Variants in PIEZO2 observed in about 807,000 individuals in gnomAD.
The protein encoded by PIEZO2 is piezo type mechanosensitive ion channel component 2.
Under a neutral mutation model 337.3 loss-of-function variants are expected in PIEZO2, and 172 were observed. The observed-to-expected ratio is 0.51, with a 90% confidence interval of 0.45 to 0.58. The LOEUF (loss-of-function observed/expected upper bound fraction) is 0.58, where lower values mean the gene tolerates loss of function less well. Among genes scored for constraint, PIEZO2 ranks in the 20% least tolerant of loss-of-function variants. The pLI is 0.00. For synonymous variants in PIEZO2, 1,251 were observed against 1,228.5 expected (o/e 1.02, Z -0.38); for missense variants, 3,028 against 3,391.3 (o/e 0.89, Z 2.66).
chr18:11,091,123 T>C (rs879447003), intron 1 of PIEZO2, among the ~76,000 whole-genome samples: 10 of 152,050 alleles, frequency 6.6e-5, no homozygotes, highest in East Asian at 1.9e-4. Context: ...CAGTGGCTCA[T>C]GCCTGTAATC....
At position 11,146,862 on chromosome 18, in the gene PIEZO2, C is replaced by T. The variant is rs1430598832; in HGVS notation, c.64+1663G>A. ...GAAGAGGGTGTCCATCCTCCAGGAA[C>T]AGTGGCGAGGAGGACGGTGGATAGA... is the stretch of plus-strand genomic sequence containing the variant. On this transcript the variant is annotated intron_variant, in intron 1 of 55. Coordinates refer to ENST00000674853, the MANE Select transcript of PIEZO2 (RefSeq NM_001378183.1). The surrounding 1 kb of genome is among the most constrained non-coding windows in gnomAD (Gnocchi z 6.1). Among the ~76,000 whole-genome samples, 4 of 152,284 alleles carry T rather than the reference C, an allele frequency of 2.6e-5. No individual in the cohort carries two copies. Among genetic ancestry groups the T allele is most frequent in the Middle Eastern group, 3.4e-3 (1 of 294 alleles).
Position 10,759,694 on chromosome 18 carries a change from G to C in PIEZO2, c.3655+11C>G, listed in dbSNP as rs747287696. 2.0e-6 allele frequency: 3 copies of C among 1,537,186 alleles called. No homozygotes were observed. On this transcript the variant is annotated intron_variant, in intron 25 of 55. Transcript: ENST00000674853. This position sits in a 1 kb window ranked among gnomAD's most constrained non-coding sequence, Gnocchi z 5.5. ...CTAAAAGTAGACGGCTCAAGGGAAGGGCAGGCTCACCTCGGCAAGGAGCAG... is the reference window on the plus strand; with the variant it reads ...CTAAAAGTAGACGGCTCAAGGGAAGCGCAGGCTCACCTCGGCAAGGAGCAG...
chr18:10,875,730 A>T (rs1258534706), intron 4 of PIEZO2, among the ~76,000 whole-genome samples: 1 of 152,242 alleles, frequency 6.6e-6, no homozygotes, highest in East Asian at 1.9e-4. Flanking sequence ...CCAGAGCCTT[A>T]TATCTTTCCC....
intron 2 of PIEZO2, among the ~76,000 whole-genome samples, chr18:11,024,584 A>G (rs889342653): frequency 2.0e-5 from 3 of 151,340 alleles, no homozygotes; most frequent in African/African-American, 7.3e-5. Flanking sequence ...AGTAAAAAGG[A>G]AAGAAAGGGA....
chr18:10,864,779 C>A (rs2041963112), intron 5 of PIEZO2, among the ~76,000 whole-genome samples: 2 of 152,138 alleles, frequency 1.3e-5, no homozygotes, highest in Non-Finnish European at 2.9e-5. Context: ...CACAGCAGAG[C>A]TCAAGAAAGA....
chr18:10,803,581 T>C (rs1018805277), intron 9 of PIEZO2, among the ~76,000 whole-genome samples: 23 of 152,256 alleles, frequency 1.5e-4, no homozygotes, highest in African/African-American at 5.5e-4. Context: ...ATTGCTTTGC[T>C]ACTTTTGTTT....
chr18:10,696,591 A>G (rs1598368045), intron 45 of PIEZO2, 52 bp from the exon 46 acceptor site: 2 of 1,598,134 alleles, frequency 1.3e-6, no homozygotes, highest in East Asian at 4.5e-5. Context: ...GAAGGGCAGG[A>G]TGGCAGAAAT....
intron 48 of PIEZO2, among the ~76,000 whole-genome samples, chr18:10,690,693 A>G (rs545511479): frequency 1.3e-5 from 2 of 152,300 alleles, no homozygotes; most frequent in Admixed American, 1.3e-4. Context: ...GAGAACAGAG[A>G]GGAGATGCTA....
intron 27 of PIEZO2, 90 bp downstream of exon 27, chr18:10,757,879 T>C: frequency 7.7e-7 from 1 of 1,300,684 alleles, no homozygotes; most frequent in South Asian, 1.5e-5. Context: ...CAGATCTGTT[T>C]CCCAAGTATA....
In PIEZO2 at chr18:10,854,215, G is replaced by A. The variant is rs76734229; in HGVS notation, c.917+1138C>T. 0.058 allele frequency among the ~76,000 whole-genome samples: 8,833 copies of A among 152,212 alleles called. 364 individuals are homozygous for A. The highest frequency in any genetic ancestry group is 0.089 in the Non-Finnish European group (6,064 of 67,996). ...GTTAGGTCAAAAGTCTTAACCATAT[G>A]ATGCTGTATAGCTCATCTGTTGCAT... On this transcript the variant is annotated intron_variant, in intron 7 of 55. Coordinates refer to ENST00000674853, the MANE Select transcript of PIEZO2 (RefSeq NM_001378183.1). The surrounding 1 kb of genome is among the most constrained non-coding windows in gnomAD (Gnocchi z 4.6).
intron 1 of PIEZO2, among the ~76,000 whole-genome samples, chr18:11,103,842 G>A (rs554823496): frequency 5.6e-4 from 84 of 151,220 alleles, no homozygotes; most frequent in African/African-American, 1.8e-3. Flanking sequence ...TGTGTGTGAC[G>A]GAGTCTTGCT....
At position 11,109,912 on chromosome 18, in the gene PIEZO2, G is replaced by A. The variant is rs530945105; in HGVS notation, c.64+38613C>T. ...TTATTATAGTCATCTAAAGTGGAAC[G>A]GAAGAATTTATTTTTTAATCAGAAG... is the stretch of plus-strand genomic sequence containing the variant. On this transcript the variant is annotated intron_variant, in intron 1 of 55. Coordinates refer to ENST00000674853, the MANE Select transcript of PIEZO2 (RefSeq NM_001378183.1). This position sits in a 1 kb window ranked among gnomAD's most constrained non-coding sequence, Gnocchi z 5.1. Among the ~76,000 whole-genome samples, 5 of 152,092 alleles carry A rather than the reference G, an allele frequency of 3.3e-5. No individual in the cohort carries two copies. The highest frequency in any genetic ancestry group is 1.3e-4 in the Admixed American group (2 of 15,286).
At chr18:10,749,415 A>G (rs1417301844) in intron 29 of PIEZO2, among the ~76,000 whole-genome samples, 1 of 152,134 alleles carries the variant, frequency 6.6e-6, no homozygotes. Context: ...GTGAGCTATG[A>G]TTGTGCCACT....
chr18:10,868,830 G>A (rs952636645), intron 5 of PIEZO2, among the ~76,000 whole-genome samples: 5 of 152,132 alleles, frequency 3.3e-5, no homozygotes, highest in Admixed American at 6.5e-5. Context: ...CCTCACAGCC[G>A]TGGCTTTTTA....
In PIEZO2 at chr18:10,784,704, C is replaced by A; in HGVS notation, c.2492+80G>T. On this transcript the variant is annotated intron_variant, in intron 17 of 55. Transcript: ENST00000674853. This position sits in a 1 kb window ranked among gnomAD's most constrained non-coding sequence, Gnocchi z 4.5. ...TGAAACTTTTAGATTACTGGCTTCT[C>A]GCAAGGTGGCCAACCTAAGGTAGGG... The A allele has an allele frequency of 7.7e-7, 1 of 1,306,188 alleles. No homozygotes were observed. Among genetic ancestry groups the A allele is most frequent in the South Asian group, 1.8e-5 (1 of 56,076 alleles). The allele number at this position is 1,306,188 out of a possible 1,614,324, so 80.9% of individuals were successfully genotyped here.
intron 3 of PIEZO2, among the ~76,000 whole-genome samples, chr18:10,920,002 CGTGGAA>C (rs747874101): frequency 2.0e-5 from 3 of 152,060 alleles, no homozygotes; most frequent in Admixed American, 6.6e-5. Context: ...GTATGTCTCC[CGTGGAA>C]ACCAAGCAAA....
At position 11,094,062 on chromosome 18, in the gene PIEZO2, T is replaced by C. The variant is rs995133238; in HGVS notation, c.65-27840A>G. Among the ~76,000 whole-genome samples the C allele has an allele frequency of 2.0e-5, 3 of 152,016 alleles. No individual in the cohort carries two copies. On this transcript the variant is annotated intron_variant, in intron 1 of 55. Coordinates refer to ENST00000674853, the MANE Select transcript of PIEZO2 (RefSeq NM_001378183.1). The surrounding 1 kb of genome is among the most constrained non-coding windows in gnomAD (Gnocchi z 4.4). ...GGTGCTACTGCGGCTCACTGCAACCTCTGCCTCCTGGGTTCAAGCGATTCT... is the reference window on the plus strand; with the variant it reads ...GGTGCTACTGCGGCTCACTGCAACCCCTGCCTCCTGGGTTCAAGCGATTCT...
chr18:10,772,367 GGCAGGACCTATTA>G (rs1171752473), intron 20 of PIEZO2, among the ~76,000 whole-genome samples: 2 of 152,128 alleles, frequency 1.3e-5, no homozygotes, highest in Non-Finnish European at 2.9e-5. Context: ...AGCAATTTTG[GGCAGGACCTATTA>G]GCAAAGCTCA....
Position 10,807,212 on chromosome 18 carries a change from T to A in PIEZO2, c.980A>T (p.Asn327Ile). Residue 327 changes from asparagine to isoleucine, a missense_variant, in exon 8 of 56, where the codon AAC (asparagine) becomes ATC (isoleucine). Around this residue, in one of 5 missense-constraint regions of PIEZO2, gnomAD observed 542 missense variants for 605.6 expected, o/e 0.89. Coordinates refer to ENST00000674853, the MANE Select transcript of PIEZO2 (RefSeq NM_001378183.1). Reference sequence around the variant, plus strand: ...GTGGTGGTACCACGACAGGTCCGGGTTCACTATGATCTTCCAAGTACTTGA... The same window carrying A: ...GTGGTGGTACCACGACAGGTCCGGGATCACTATGATCTTCCAAGTACTTGA... The part of the protein sequence containing the change: ...DCSSTWKIIV[N>I]PDLSWYHHAN... 6.5e-7 allele frequency: 1 copy of A among 1,537,286 alleles called. No homozygotes were observed. The highest frequency in any genetic ancestry group is 8.7e-7 in the Non-Finnish European group (1 of 1,146,912).
Sources: allele counts gnomAD v4.1 joint callset (sites outside exome capture counted in the v4.1 genomes callset), GRCh38; gene constraint gnomAD v4.1.1; regional missense constraint gnomAD v4.1.1; non-coding constraint Gnocchi (gnomAD v3.1); transcripts MANE v1.5; gene names NCBI Gene and HGNC (gene_info 2026-07-23, HGNC 2026-07-21).